The following PDE4D variants were observed in gnomAD, a reference collection of about 807,000 sequenced individuals.
PDE4D encodes 3',5'-cyclic-AMP phosphodiesterase 4D.
Under a neutral mutation model 87.4 loss-of-function variants are expected in PDE4D, and 24 were observed. That is an observed-to-expected ratio of 0.27 (90% CI 0.20 to 0.39). The LOEUF is 0.39. Ranked by LOEUF, PDE4D falls within the 10% of genes least tolerant of loss-of-function variation. PDE4D has a pLI of 1.00. For missense variants in PDE4D, 714 were observed against 1,041.0 expected (o/e 0.69, Z 4.32); for synonymous variants, 384 against 383.2 (o/e 1.00, Z -0.02).
chr5:59,910,455 A>C (rs922294628), intron 3 of PDE4D, among the ~76,000 whole-genome samples: 1 of 152,244 alleles, frequency 6.6e-6, no homozygotes, highest in African/African-American at 2.4e-5. Context: ...TCATGTTCAC[A>C]TACCAAAGAG....
Position 60,410,085 on chromosome 5 carries a change from C to A in PDE4D, c.-90+77857G>T, listed in dbSNP as rs1583662362. On this transcript the variant is annotated intron_variant, in intron 1 of 16. Coordinates refer to the PDE4D transcript ENST00000502484. ...GGCCTCGATGTTTAGCTTTTCTGAG[C>A]AGCTCTTTGTTCCCTATGGCAACCT... Among the ~76,000 whole-genome samples, 3 of 152,300 alleles carry A rather than the reference C, an allele frequency of 2.0e-5. No homozygotes were observed. The South Asian group carries it at 6.2e-4, about 32-fold the overall frequency.
chr5:59,365,625 T>C (rs1215929102), intron 1 of PDE4D, among the ~76,000 whole-genome samples: 1 of 152,124 alleles, frequency 6.6e-6, no homozygotes, highest in Non-Finnish European at 1.5e-5. Flanking sequence ...TCTGTTAAAG[T>C]GGAAAGAGCA....
rs545173778 is a variant in PDE4D, at chr5:59,419,752, T to C, written c.456-203784A>G. On this transcript the variant is annotated intron_variant, in intron 1 of 14. Coordinates refer to ENST00000340635, the MANE Select transcript of PDE4D (RefSeq NM_001104631.2). ...TTGACATTGAAATTTCTTTTCAAAT[T>C]GAATAAAAGAATGTCTGTAAACATA... Among the ~76,000 whole-genome samples the C allele has an allele frequency of 5.3e-5, 8 of 152,314 alleles. No homozygotes were observed. In the South Asian group the frequency reaches 1.7e-3, roughly 32 times the overall value.
At chr5:60,037,281 A>G (rs759300280) in intron 2 of PDE4D, among the ~76,000 whole-genome samples, 6 of 152,226 alleles carry the variant, frequency 3.9e-5, no homozygotes, top group Admixed American at 1.3e-4. Context: ...TAATTGATGT[A>G]TAAAGTATAG....
intron 1 of PDE4D, among the ~76,000 whole-genome samples, chr5:60,383,945 G>A (rs1340627604): frequency 6.6e-6 from 1 of 152,174 alleles, no homozygotes; most frequent in African/African-American, 2.4e-5. Flanking sequence ...ATCTTAAAGA[G>A]TAAGTGTTGA....
chr5:60,494,223 A>T (rs1749692148), intron 1 of PDE4D, among the ~76,000 whole-genome samples: 2 of 152,234 alleles, frequency 1.3e-5, no homozygotes, highest in South Asian at 4.1e-4. Flanking sequence ...AGTCTCACTT[A>T]TTCTAATGAT....
chr5:59,396,637 T>G (rs970222585), intron 1 of PDE4D, among the ~76,000 whole-genome samples: 1 of 104,610 alleles, frequency 9.6e-6, no homozygotes, highest in Non-Finnish European at 1.9e-5. Flanking sequence ...CATGCCAAAA[T>G]GTAAAGACCA....
At chr5:60,426,533 G>GC (rs1743732803) in intron 1 of PDE4D, among the ~76,000 whole-genome samples, 1 of 152,088 alleles carries the variant, frequency 6.6e-6, no homozygotes, top group Admixed American at 6.6e-5. Context: ...CCTGTTGGGG[G>GC]GTGTGGGGGG....
At chr5:60,017,391 A>G (rs1310664291) in intron 2 of PDE4D, among the ~76,000 whole-genome samples, 7 of 152,150 alleles carry the variant, frequency 4.6e-5, no homozygotes, top group Admixed American at 1.3e-4. Flanking sequence ...CTATCAACTC[A>G]TCACCTAGGA....
chr5:59,194,208 G>T (rs1246326388), intron 2 of PDE4D, among the ~76,000 whole-genome samples: 5 of 152,202 alleles, frequency 3.3e-5, no homozygotes, highest in African/African-American at 7.2e-5. Flanking sequence ...AAGGAAAGTT[G>T]TGCAACATTC....
At chr5:60,510,992 G>A (rs1419186479) in intron 1 of PDE4D, among the ~76,000 whole-genome samples, 1 of 151,852 alleles carries the variant, frequency 6.6e-6, no homozygotes, top group Non-Finnish European at 1.5e-5. Flanking sequence ...GTTTCTTTGA[G>A]ACAGTCTTGC....
intron 5 of PDE4D, among the ~76,000 whole-genome samples, chr5:59,140,943 A>T (rs896109776): frequency 6.6e-6 from 1 of 152,208 alleles, no homozygotes. Flanking sequence ...TAAAAATTAT[A>T]TATATGCATA....
intron 3 of PDE4D, among the ~76,000 whole-genome samples, chr5:59,932,970 T>C (rs1372230511): frequency 1.9e-5 from 2 of 105,722 alleles, no homozygotes; most frequent in Non-Finnish European, 4.2e-5. Context: ...GAAATCTCCC[T>C]TTTCTGGGGC....
chr5:60,304,594 G>A (rs938534707), intron 1 of PDE4D, among the ~76,000 whole-genome samples: 1 of 145,708 alleles, frequency 6.9e-6, no homozygotes, highest in Non-Finnish European at 1.5e-5. Context: ...GCAGTGAGCC[G>A]AGATTGCGCC....
intron 1 of PDE4D, among the ~76,000 whole-genome samples, chr5:59,794,804 C>G (rs926812107): frequency 2.6e-5 from 4 of 152,212 alleles, no homozygotes; most frequent in Non-Finnish European, 4.4e-5. Flanking sequence ...CATCTCTGAT[C>G]CTTCATATAA....
chr5:59,957,172 A>G (rs73761068), intron 3 of PDE4D, among the ~76,000 whole-genome samples: 5,379 of 152,266 alleles, frequency 0.035, 288 homozygotes, highest in African/African-American at 0.12. Flanking sequence ...ATGGTATCCA[A>G]TCAGCTAGTC....
At chr5:59,339,675 G>A (rs936742792) in intron 1 of PDE4D, among the ~76,000 whole-genome samples, 31 of 152,140 alleles carry the variant, frequency 2.0e-4, no homozygotes, top group African/African-American at 7.5e-4. Context: ...TGTGGGCTCA[G>A]GAGTCACACA....
chr5:59,824,113 T>C (rs914137910), intron 1 of PDE4D, among the ~76,000 whole-genome samples: 1 of 152,106 alleles, frequency 6.6e-6, no homozygotes, highest in Non-Finnish European at 1.5e-5. Context: ...GCCACCTATG[T>C]AATTTTTCTA....
intron 1 of PDE4D, among the ~76,000 whole-genome samples, chr5:59,729,427 A>T (rs552441325): frequency 3.4e-4 from 52 of 152,248 alleles, no homozygotes; most frequent in African/African-American, 1.2e-3. Flanking sequence ...TACCATTTTT[A>T]AAATTTATAA....
Sources: gnomAD v4.1 joint callset for allele counts (sites outside exome capture counted in the v4.1 genomes callset) on GRCh38, gnomAD v4.1.1 for gene constraint, MANE v1.5 for transcripts, NCBI Gene and HGNC (gene_info 2026-07-23, HGNC 2026-07-21) for gene names.